The following RPS6KC1 variants were observed in gnomAD, a reference collection of about 807,000 sequenced individuals.
RPS6KC1 encodes ribosomal protein S6 kinase C1.
RPS6KC1 carries 54 observed loss-of-function variants against 103.8 expected under a neutral mutation model. The observed-to-expected ratio is 0.52, with a 90% CI of 0.42 to 0.65. The LOEUF (loss-of-function observed/expected upper bound fraction) is 0.65, where lower values mean the gene tolerates loss of function less well. Ranked by LOEUF, RPS6KC1 falls within the 30% of genes least tolerant of loss-of-function variation. RPS6KC1 has a pLI of 0.00. For synonymous variants in RPS6KC1, 439 were observed against 438.7 expected (o/e 1.00, Z -0.01); for missense variants, 1,151 against 1,253.8 (o/e 0.92, Z 1.24).
chr1:213,786,146 A>G, the RPS6KC1 span, among the ~76,000 whole-genome samples: 1,376 of 152,294 alleles, frequency 9.0e-3, 21 homozygotes, highest in African/African-American at 0.031. Context: ...GAAAGGTTCA[A>G]TGATGGAATA....
At chr1:213,859,044 C>T in the RPS6KC1 span, among the ~76,000 whole-genome samples, 2 of 152,100 alleles carry the variant, frequency 1.3e-5, no homozygotes, top group African/African-American at 4.8e-5. Context: ...CCTGCATGTC[C>T]CAAGCAATGA....
At chr1:213,785,037 A>C in the RPS6KC1 span, among the ~76,000 whole-genome samples, 1 of 152,208 alleles carries the variant, frequency 6.6e-6, no homozygotes, top group Non-Finnish European at 1.5e-5. Context: ...AAAATATTTC[A>C]TCTGTGCCTT....
chr1:213,110,706 TC>T lies in RPS6KC1; in HGVS notation c.378+6138del, dbSNP rs2082936181. ...CTTTCCTCTGAAGTCTTGAATTTCC[TC>T]TGTGCCTGTGCACTGTCTCATGGTT... is the stretch of plus-strand genomic sequence containing the variant. On this transcript the variant is annotated intron_variant, in intron 4 of 14. Transcript: ENST00000366960. Among the ~76,000 whole-genome samples the T allele has an allele frequency of 2.6e-5, 4 of 152,294 alleles. No individual in the cohort carries two copies. The South Asian group carries it at 8.3e-4, about 32-fold the overall frequency.
intron 8 of RPS6KC1, among the ~76,000 whole-genome samples, chr1:213,226,578 G>C (rs2093968194): frequency 6.6e-6 from 1 of 152,044 alleles, no homozygotes; most frequent in Non-Finnish European, 1.5e-5. Context: ...CTTTACTATT[G>C]AAAGGCTTAT....
the RPS6KC1 span, among the ~76,000 whole-genome samples, chr1:213,473,159 A>C: frequency 6.6e-6 from 1 of 152,346 alleles, no homozygotes; most frequent in East Asian, 1.9e-4. Context: ...TTTAAGGGTG[A>C]AGGCCAGACC....
the RPS6KC1 span, among the ~76,000 whole-genome samples, chr1:213,739,658 A>G: frequency 0.27 from 41,309 of 152,082 alleles, 6,282 homozygotes; most frequent in East Asian, 0.55. Context: ...AAAAGCAGAA[A>G]TAACAGTTAT....
chr1:213,226,185 T>C (rs2148823680), intron 8 of RPS6KC1, among the ~76,000 whole-genome samples: 1 of 144,898 alleles, frequency 6.9e-6, no homozygotes, highest in East Asian at 2.1e-4. Context: ...ATCGCACCAC[T>C]GCACTCCAGC....
chr1:213,242,764 T>G, intron 12 of RPS6KC1, 106 bp downstream of exon 12: 1 of 873,494 alleles, frequency 1.1e-6, no homozygotes, highest in Non-Finnish European at 1.8e-6. Context: ...TTTACATATG[T>G]GTTGGATTTG....
chr1:213,332,414 G>A, the RPS6KC1 span, among the ~76,000 whole-genome samples: 1 of 152,206 alleles, frequency 6.6e-6, no homozygotes, highest in African/African-American at 2.4e-5. Context: ...CAATCAAATG[G>A]CAGTGGAGGG....
chr1:213,729,106 G>A, the RPS6KC1 span, among the ~76,000 whole-genome samples: 1 of 152,022 alleles, frequency 6.6e-6, no homozygotes, highest in Non-Finnish European at 1.5e-5. Flanking sequence ...CGACAGTTAG[G>A]TTTTCACAAT....
chr1:213,721,917 C>G, the RPS6KC1 span, among the ~76,000 whole-genome samples: 88 of 152,282 alleles, frequency 5.8e-4, no homozygotes, highest in African/African-American at 1.9e-3. Flanking sequence ...GAGACTGTAC[C>G]CTGCCTAGAA....
At chr1:213,714,840 C>G in the RPS6KC1 span, among the ~76,000 whole-genome samples, 2 of 152,198 alleles carry the variant, frequency 1.3e-5, no homozygotes, top group South Asian at 4.1e-4. Flanking sequence ...GCCAACAGTG[C>G]AGCCATTCAC....
chr1:213,606,012 C>T, the RPS6KC1 span, among the ~76,000 whole-genome samples: 2 of 152,204 alleles, frequency 1.3e-5, no homozygotes, highest in African/African-American at 4.8e-5. Context: ...GAAACGCTTC[C>T]TGTACATAAG....
chr1:213,589,390 A>C, the RPS6KC1 span, among the ~76,000 whole-genome samples: 1 of 152,192 alleles, frequency 6.6e-6, no homozygotes, highest in Non-Finnish European at 1.5e-5. Flanking sequence ...CTGTAATCCC[A>C]GCGCTTTGGG....
At chr1:213,559,799 AT>A in the RPS6KC1 span, among the ~76,000 whole-genome samples, 2 of 152,236 alleles carry the variant, frequency 1.3e-5, no homozygotes, top group Non-Finnish European at 2.9e-5. Flanking sequence ...GGTAAAATTA[AT>A]TTTAATAATA....
the RPS6KC1 span, among the ~76,000 whole-genome samples, chr1:213,562,119 G>A: frequency 2.0e-5 from 3 of 152,140 alleles, no homozygotes; most frequent in African/African-American, 7.2e-5. Context: ...ATTGTTAAAG[G>A]TCTTATGCTC....
the RPS6KC1 span, among the ~76,000 whole-genome samples, chr1:213,440,923 C>T: frequency 6.6e-6 from 1 of 152,172 alleles, no homozygotes; most frequent in East Asian, 1.9e-4. Context: ...GCCTTGAGAG[C>T]TCAGACTTGG....
rs2093619668 is a variant in RPS6KC1, at chr1:213,214,944, A to G, written c.1045-15553A>G. Among the ~76,000 whole-genome samples the G allele has an allele frequency of 2.0e-5, 3 of 152,256 alleles. 1 individual carries two copies. The South Asian group carries it at 6.2e-4, about 32-fold the overall frequency. On this transcript the variant is annotated intron_variant, in intron 8 of 14. Coordinates refer to ENST00000366960, the MANE Select transcript of RPS6KC1 (RefSeq NM_012424.6). ...GATGGGGAAAAAACAGAACATAAAAAACTGAAAATTCTAAAAATCAGAGCG... is the reference window on the plus strand; with the variant it reads ...GATGGGGAAAAAACAGAACATAAAAGACTGAAAATTCTAAAAATCAGAGCG...
Position 213,157,277 on chromosome 1 carries a change from G to A in RPS6KC1, c.836-10581G>A, listed in dbSNP as rs193138547. Among the ~76,000 whole-genome samples, 663 of 150,854 alleles carry A rather than the reference G, an allele frequency of 4.4e-3. 8 individuals are homozygous for A. The highest frequency in any genetic ancestry group is 0.015 in the African/African-American group (614 of 41,038). On this transcript the variant is annotated intron_variant, in intron 6 of 14. Transcript: ENST00000366960. ...TGCCCAGACTGGAGTGCAGTGGCAC[G>A]ATCTCGGCTCACTGCAGGCTCCACC...
Sources: allele counts gnomAD v4.1 joint callset (sites outside exome capture counted in the v4.1 genomes callset), GRCh38; gene constraint gnomAD v4.1.1; transcripts MANE v1.5; gene names NCBI Gene and HGNC (gene_info 2026-07-23, HGNC 2026-07-21).